Variants in ACER2 observed in about 807,000 individuals in gnomAD.
ACER2 encodes alkCDase 2.
ACER2 carries 26 observed loss-of-function variants against 34.7 expected under a neutral mutation model. That is an observed-to-expected ratio of 0.75 (90% confidence interval 0.55 to 1.04). The LOEUF (loss-of-function observed/expected upper bound fraction) is 1.04, where lower values mean the gene tolerates loss of function less well. Ranked by LOEUF, ACER2 falls within the 50% of genes least tolerant of loss-of-function variation. The pLI is 0.00. For synonymous variants in ACER2, 138 were observed against 132.1 expected, an observed-to-expected ratio of 1.04 and a Z score of -0.31; for missense variants, 352 against 340.8, an observed-to-expected ratio of 1.03 and a Z score of -0.26.
In ACER2 at chr9:19,438,465, A is replaced by G. The variant is rs566516120; in HGVS notation, c.503+3381A>G. 7.2e-5 allele frequency among the ~76,000 whole-genome samples: 11 copies of G among 152,272 alleles called. 2 individuals carry two copies. The South Asian group carries it at 2.3e-3, about 32-fold the overall frequency. On this transcript the variant is annotated intron_variant, in intron 4 of 5. Coordinates refer to ENST00000340967, the MANE Select transcript of ACER2 (RefSeq NM_001010887.3). ...AGTGACTTCTCTGCCGTGTTTGTGG[A>G]CCTGGAGGGACTGGCTCCTGGGCCT...
At chr9:19,409,965 G>A in intron 1 of ACER2, 1 of 983,690 alleles carries the variant, frequency 1.0e-6, no homozygotes, top group Non-Finnish European at 1.2e-6. Context: ...CTTGTGGTAG[G>A]GAAGGGTTGC....
At chr9:19,439,986 A>C (rs1465628914) in intron 4 of ACER2, among the ~76,000 whole-genome samples, 1 of 151,866 alleles carries the variant, frequency 6.6e-6, no homozygotes, top group Non-Finnish European at 1.5e-5. Context: ...CCGCCCCCAA[A>C]GAAAGCTCCC....
intron 2 of ACER2, 87 bp downstream of exon 2, chr9:19,424,063 A>G (rs902724971): frequency 1.3e-5 from 16 of 1,191,296 alleles, no homozygotes; most frequent in Non-Finnish European, 1.6e-5. Context: ...TCCCCTTTGA[A>G]CATAATGTTT....
Position 19,409,014 on chromosome 9 carries a change from G to A in ACER2, c.-71G>A. On this transcript the variant is annotated 5_prime_UTR_variant, in exon 1 of 6. Coordinates refer to ENST00000340967, the MANE Select transcript of ACER2 (RefSeq NM_001010887.3). ...CGCTTTCGCCGCTGGCTGTCGCCGC[G>A]TTTTGCCTCCGCAGCAGCTCTGGGC... 2 of 1,363,090 alleles carry A rather than the reference G, an allele frequency of 1.5e-6. No individual in the cohort carries two copies. The highest frequency in any genetic ancestry group is 2.6e-4 in the Middle Eastern group (1 of 3,782). The allele number at this position is 1,363,090 out of a possible 1,614,324, so 84.4% of individuals were successfully genotyped here.
At chr9:19,419,747 A>T (rs1438680190) in intron 1 of ACER2, among the ~76,000 whole-genome samples, 1 of 152,200 alleles carries the variant, frequency 6.6e-6, no homozygotes, top group Non-Finnish European at 1.5e-5. Context: ...TGGACTAGTG[A>T]CAGAGTGAGA....
At chr9:19,419,147 C>G (rs561973950) in intron 1 of ACER2, among the ~76,000 whole-genome samples, 2 of 151,846 alleles carry the variant, frequency 1.3e-5, no homozygotes, top group Non-Finnish European at 2.9e-5. Context: ...GCCGAGATCG[C>G]ACCATTGTAC....
chr9:19,447,871 ATT>A (rs1831418151), intron 5 of ACER2, among the ~76,000 whole-genome samples: 1 of 152,128 alleles, frequency 6.6e-6, no homozygotes, highest in Non-Finnish European at 1.5e-5. Flanking sequence ...GGCTCTCATA[ATT>A]CTATCCCCCA....
chr9:19,429,442 C>G (rs1270958225), intron 3 of ACER2, among the ~76,000 whole-genome samples: 1 of 152,106 alleles, frequency 6.6e-6, no homozygotes, highest in Non-Finnish European at 1.5e-5. Flanking sequence ...AGTGATCCTC[C>G]TACCTCAGCC....
chr9:19,410,021 A>C (rs1830041475), intron 1 of ACER2: 1 of 815,270 alleles, frequency 1.2e-6, no homozygotes, highest in Non-Finnish European at 1.5e-6. Context: ...TCCATGGCTC[A>C]GAATCCTGGT....
intron 1 of ACER2, among the ~76,000 whole-genome samples, chr9:19,415,978 A>C (rs960123916): frequency 2.6e-5 from 4 of 152,080 alleles, no homozygotes; most frequent in Admixed American, 2.0e-4. Flanking sequence ...TATGTGACAT[A>C]TACGTACCTA....
At chr9:19,424,256 C>A (rs1041178369) in intron 2 of ACER2, 1 of 654,046 alleles carries the variant, frequency 1.5e-6, no homozygotes, top group Non-Finnish European at 1.9e-6. Context: ...GGTGAAACAA[C>A]TGAACTCTGG....
chr9:19,410,607 A>G (rs953203096), intron 1 of ACER2, among the ~76,000 whole-genome samples: 2 of 152,178 alleles, frequency 1.3e-5, no homozygotes, highest in African/African-American at 4.8e-5. Context: ...CTACTTGGGA[A>G]GCTGAGGTGG....
chr9:19,433,846 C>T (rs1166290252), intron 3 of ACER2, among the ~76,000 whole-genome samples: 1 of 151,672 alleles, frequency 6.6e-6, no homozygotes, highest in Non-Finnish European at 1.5e-5. Flanking sequence ...CCTCACTTCC[C>T]AGTAGGGGCG....
intron 1 of ACER2, among the ~76,000 whole-genome samples, chr9:19,412,818 A>C (rs1830124891): frequency 6.6e-6 from 1 of 152,126 alleles, no homozygotes; most frequent in African/African-American, 2.4e-5. Flanking sequence ...CTTCCTGTTT[A>C]TAATGTTTAT....
Position 19,450,780 on chromosome 9 carries a change from A to T in ACER2, c.*144A>T. On this transcript the variant is annotated 3_prime_UTR_variant, in exon 6 of 6. Transcript: ENST00000340967. ...ATTTGCTGGGGCTCTTAATTTCTTT[A>T]GTGTTCTTTGTATGTAGGGATTTAA... 1 of 751,646 alleles carries T rather than the reference A, an allele frequency of 1.3e-6. No homozygotes were observed. The highest frequency in any genetic ancestry group is 1.7e-5 in the African/African-American group (1 of 57,396). The allele number at this position is 751,646 out of a possible 1,614,324, so 46.6% of individuals were successfully genotyped here. A position where few individuals can be genotyped will look rare whatever the true frequency, so the allele number is the denominator to read the frequency against.
At chr9:19,441,928 G>T (rs1831168992) in intron 4 of ACER2, among the ~76,000 whole-genome samples, 1 of 152,194 alleles carries the variant, frequency 6.6e-6, no homozygotes, top group African/African-American at 2.4e-5. Flanking sequence ...GTTTCTCACT[G>T]CACGCTAGTT....
chr9:19,442,100 T>C (rs1831174343), intron 4 of ACER2, among the ~76,000 whole-genome samples: 1 of 152,234 alleles, frequency 6.6e-6, no homozygotes, highest in Non-Finnish European at 1.5e-5. Flanking sequence ...AACAAAAGTT[T>C]ATGCTGATTT....
intron 1 of ACER2, among the ~76,000 whole-genome samples, chr9:19,410,715 C>T (rs1278880183): frequency 6.6e-6 from 1 of 152,148 alleles, no homozygotes; most frequent in Non-Finnish European, 1.5e-5. Context: ...AAACCTGGCC[C>T]TCTGCTGACC....
chr9:19,427,497 T>C (rs938825224), intron 3 of ACER2, among the ~76,000 whole-genome samples: 2 of 152,190 alleles, frequency 1.3e-5, no homozygotes, highest in Non-Finnish European at 2.9e-5. Flanking sequence ...GCAGTGGAAG[T>C]GGCAGACCAG....
Sources: allele counts gnomAD v4.1 joint callset (sites outside exome capture counted in the v4.1 genomes callset), GRCh38; gene constraint gnomAD v4.1.1; transcripts MANE v1.5; gene names NCBI Gene and HGNC (gene_info 2026-07-23, HGNC 2026-07-21).